The following VWC2L variants were observed in gnomAD, a reference collection of about 807,000 sequenced individuals.
The protein encoded by VWC2L is von Willebrand factor C domain-containing protein 2-like.
In VWC2L, 10 loss-of-function variants were observed where a neutral mutation model predicts 21.6. The ratio of observed to expected loss-of-function variants is 0.46; its 90% CI spans 0.29 to 0.78. The LOEUF is 0.78. Among genes scored for constraint, VWC2L ranks in the 30% least tolerant of loss-of-function variants. The pLI, the probability that VWC2L is intolerant of heterozygous loss-of-function variation, is 0.10. For synonymous variants in VWC2L, 96 were observed against 94.3 expected (o/e 1.02, Z -0.10); for missense variants, 209 against 277.1 (o/e 0.75, Z 1.74).
chr2:214,516,152 G>A (rs902876603), intron 3 of VWC2L, among the ~76,000 whole-genome samples: 8 of 152,022 alleles, frequency 5.3e-5, no homozygotes, highest in East Asian at 3.9e-4. Context: ...TTAGCCATAC[G>A]GGGAGTATTT....
At chr2:214,503,459 T>C (rs760916803) in intron 3 of VWC2L, among the ~76,000 whole-genome samples, 34 of 152,110 alleles carry the variant, frequency 2.2e-4, no homozygotes, top group Non-Finnish European at 4.0e-4. Context: ...AATTTTTATA[T>C]TGAGGAAGAG....
intron 3 of VWC2L, among the ~76,000 whole-genome samples, chr2:214,557,323 C>T (rs561926291): frequency 2.0e-5 from 3 of 152,064 alleles, no homozygotes; most frequent in Admixed American, 6.6e-5. Context: ...TCTCGTGAGA[C>T]GTATTCACTA....
At chr2:214,412,078 CTTGT>C (rs1463378588) in intron 1 of VWC2L, among the ~76,000 whole-genome samples, 1 of 151,010 alleles carries the variant, frequency 6.6e-6, no homozygotes, top group Non-Finnish European at 1.5e-5. Context: ...AAAATAAAAT[CTTGT>C]TTTTTACCAT....
intron 3 of VWC2L, among the ~76,000 whole-genome samples, chr2:214,566,608 G>C (rs1198486526): frequency 2.0e-5 from 3 of 152,114 alleles, no homozygotes; most frequent in Non-Finnish European, 4.4e-5. Context: ...CTAATAAAAA[G>C]GGTTTGGAAG....
rs182395858 is a variant in VWC2L at position 214,480,380 on chromosome 2, T to C, written c.520+43622T>C. ...ATTAAGTTTCCATGTCTGCATGATA[T>C]TGGAAGATGAATGGACAATTACTTG... On this transcript the variant is annotated intron_variant, in intron 3 of 3. Coordinates refer to ENST00000312504, the MANE Select transcript of VWC2L (RefSeq NM_001080500.4). Among the ~76,000 whole-genome samples the C allele has an allele frequency of 5.3e-5, 8 of 152,324 alleles. No individual in the cohort carries two copies. The East Asian group carries it at 1.5e-3, about 29-fold the overall frequency.
intron 1 of VWC2L, 25 bp from the exon 2 acceptor site, chr2:214,414,089 A>G: frequency 2.4e-6 from 3 of 1,258,944 alleles, no homozygotes; most frequent in Non-Finnish European, 3.2e-6. Flanking sequence ...ATGTCAAATT[A>G]TTCTTTTTAA....
intron 2 of VWC2L, among the ~76,000 whole-genome samples, chr2:214,427,193 C>G (rs1299606946): frequency 1.3e-5 from 2 of 152,172 alleles, no homozygotes; most frequent in Non-Finnish European, 1.5e-5. Flanking sequence ...CTTTATTGCT[C>G]TCTCCTAAAT....
chr2:214,547,058 G>A (rs1307195120), intron 3 of VWC2L, among the ~76,000 whole-genome samples: 2 of 152,092 alleles, frequency 1.3e-5, no homozygotes, highest in African/African-American at 4.8e-5. Context: ...CAAAGTACAA[G>A]GATGGCCCTA....
chr2:214,414,597 T>G lies in VWC2L; in HGVS notation c.390+14T>G. The G allele has an allele frequency of 6.2e-7, 1 of 1,600,260 alleles. No individual in the cohort carries two copies. The highest frequency in any genetic ancestry group is 8.5e-7 in the Non-Finnish European group (1 of 1,176,514). On this transcript the variant is annotated intron_variant, in intron 2 of 3. Coordinates refer to ENST00000312504, the MANE Select transcript of VWC2L (RefSeq NM_001080500.4). ...GAGGAATTTAAGGTATGCGTTACCC[T>G]CCATATTTATTGAAATATCAACTTT...
At chr2:214,539,791 A>G in intron 3 of VWC2L, among the ~76,000 whole-genome samples, 1 of 152,308 alleles carries the variant, frequency 6.6e-6, no homozygotes, top group East Asian at 1.9e-4. Flanking sequence ...GCTCACAAGC[A>G]TCACTGATAC....
chr2:214,543,240 G>A (rs991267294), intron 3 of VWC2L, among the ~76,000 whole-genome samples: 8 of 152,110 alleles, frequency 5.3e-5, no homozygotes, highest in South Asian at 2.1e-4. Context: ...ATGTTCAAAC[G>A]TAACTTTCAA....
chr2:214,537,122 C>G (rs1324458360), intron 3 of VWC2L, among the ~76,000 whole-genome samples: 1 of 152,014 alleles, frequency 6.6e-6, no homozygotes, highest in South Asian at 2.1e-4. Context: ...AGTTGTCCCT[C>G]TTAGATATAC....
chr2:214,568,759 T>A (rs955630121), intron 3 of VWC2L, among the ~76,000 whole-genome samples: 3 of 152,218 alleles, frequency 2.0e-5, no homozygotes, highest in Admixed American at 2.0e-4. Context: ...CTATTCTGAA[T>A]ATTCTGTGGC....
intron 3 of VWC2L, among the ~76,000 whole-genome samples, chr2:214,464,264 T>C (rs1030249807): frequency 1.3e-5 from 2 of 152,138 alleles, no homozygotes; most frequent in African/African-American, 2.4e-5. Context: ...GTAGTCTTCA[T>C]AGTCTGGGCT....
chr2:214,529,539 C>T (rs1235949728), intron 3 of VWC2L, among the ~76,000 whole-genome samples: 2 of 152,152 alleles, frequency 1.3e-5, no homozygotes, highest in African/African-American at 2.4e-5. Context: ...CTCAAGACCA[C>T]ATATTTGATT....
At chr2:214,487,498 C>G (rs117120671) in intron 3 of VWC2L, among the ~76,000 whole-genome samples, 2 of 152,224 alleles carry the variant, frequency 1.3e-5, no homozygotes, top group South Asian at 2.1e-4. Flanking sequence ...CAGTGGCATG[C>G]CCAATGTGCC....
intron 3 of VWC2L, among the ~76,000 whole-genome samples, chr2:214,500,460 C>G (rs1397856938): frequency 6.6e-6 from 1 of 152,188 alleles, no homozygotes; most frequent in Non-Finnish European, 1.5e-5. Context: ...GTTTACCTCA[C>G]AGTCACTATA....
chr2:214,528,586 A>G (rs1428672038), intron 3 of VWC2L, among the ~76,000 whole-genome samples: 1 of 150,720 alleles, frequency 6.6e-6, no homozygotes, highest in African/African-American at 2.5e-5. Flanking sequence ...TTTTAAATTT[A>G]CATCTCTTTT....
In VWC2L at chr2:214,577,922, A is replaced by C. The variant is rs1024280006; in HGVS notation, c.*2102A>C. The C allele has an allele frequency of 6.6e-6, 1 of 152,196 alleles. No homozygotes were observed. The highest frequency in any genetic ancestry group is 6.6e-5 in the Admixed American group (1 of 15,262). 9.4% of individuals were successfully genotyped at this position (152,196 alleles called of 1,614,324 possible). A position where few individuals can be genotyped will look rare whatever the true frequency, so the allele number is the denominator to read the frequency against. On this transcript the variant is annotated 3_prime_UTR_variant, in exon 4 of 4. Coordinates refer to ENST00000312504, the MANE Select transcript of VWC2L (RefSeq NM_001080500.4). ...ACCTTCCCTTAGAACACCAATTTGC[A>C]GCAAGGTTGGTGCCTTTCATTTGCC...
Sources: allele counts gnomAD v4.1 joint callset (sites outside exome capture counted in the v4.1 genomes callset), GRCh38; gene constraint gnomAD v4.1.1; transcripts MANE v1.5; gene names NCBI Gene and HGNC (gene_info 2026-07-23, HGNC 2026-07-21).